Variants in STRN observed in about 807,000 individuals in gnomAD.
STRN encodes the protein protein phosphatase 2 regulatory subunit B'''alpha.
Under a neutral mutation model 96.3 loss-of-function variants are expected in STRN, and 53 were observed. That is an observed-to-expected ratio of 0.55 (90% CI 0.44 to 0.69). The LOEUF is 0.69. Ranked by LOEUF, STRN falls within the 30% of genes least tolerant of loss-of-function variation. The pLI is 0.00. For synonymous variants in STRN, 428 were observed against 355.9 expected (o/e 1.20, Z -2.28); for missense variants, 987 against 963.9 (o/e 1.02, Z -0.32).
chr2:36,873,962 G>A (rs1353084359), intron 10 of STRN, among the ~76,000 whole-genome samples: 1 of 138,422 alleles, frequency 7.2e-6, no homozygotes, highest in African/African-American at 2.7e-5. Context: ...AAAAATTCAA[G>A]AAGCAAAAAC....
At position 36,839,575 on chromosome 2, in the gene STRN, A is replaced by C. The variant is rs562938072; in HGVS notation, c.*9881T>G. Among the ~76,000 whole-genome samples the C allele has an allele frequency of 3.9e-5, 6 of 152,292 alleles. No individual in the cohort carries two copies. In the South Asian group the frequency reaches 1.2e-3, roughly 32 times the overall value. On this transcript the variant is annotated 3_prime_UTR_variant, in exon 18 of 18. Transcript: ENST00000263918. The stretch of plus-strand genomic sequence containing the variant: ...TACATCCGTTATCTCAAATCAACCT[A>C]ATTAGGCAGATCTATTATCCCCATT...
intron 3 of STRN, among the ~76,000 whole-genome samples, chr2:36,914,154 T>C (rs1670032432): frequency 6.6e-6 from 1 of 152,162 alleles, no homozygotes. Context: ...CATCCCCAGC[T>C]AATTTTTTAA....
At chr2:36,905,669 G>GCAT (rs755489254) in intron 3 of STRN, 51 bp from the exon 4 acceptor site, 5 of 1,463,406 alleles carry the variant, frequency 3.4e-6, no homozygotes, top group Non-Finnish European at 4.8e-6. Context: ...GTATTAGAGG[G>GCAT]CATCTTAATT....
rs1669145086 is a variant in STRN at position 36,883,972 on chromosome 2, G to A, written c.1146C>T (p.Ser382=). 6 of 1,430,816 alleles carry A rather than the reference G, an allele frequency of 4.2e-6. No individual in the cohort carries two copies. The East Asian group carries it at 7.9e-5, about 19-fold the overall frequency. The allele number at this position is 1,430,816 out of a possible 1,614,324, so 88.6% of individuals were successfully genotyped here. A position where few individuals can be genotyped will look rare whatever the true frequency, so the allele number is the denominator to read the frequency against. Residue 382 remains serine (S), a synonymous_variant, in exon 9 of 18, where the codon AGC becomes AGT. Transcript: ENST00000263918. ...TAATTTCATGTTCAGGAAGCCTGGA[G>A]CTGCTGGGTCTGGAAGGTGAACCCA... ...PSVGSPSRPS[S]SRLPEHEINR... is the part of the protein sequence containing the mutation.
chr2:36,908,173 T>C (rs547048574), intron 3 of STRN, among the ~76,000 whole-genome samples: 2 of 152,278 alleles, frequency 1.3e-5, no homozygotes, highest in South Asian at 4.1e-4. Context: ...AACATTTACA[T>C]TGCCATTTCA....
chr2:36,946,300 G>A (rs1670983273), intron 1 of STRN, among the ~76,000 whole-genome samples: 1 of 152,052 alleles, frequency 6.6e-6, no homozygotes, highest in African/African-American at 2.4e-5. Context: ...AAATAATAAA[G>A]TATTTCTGCA....
intron 10 of STRN, among the ~76,000 whole-genome samples, chr2:36,876,241 A>T (rs535808581): frequency 2.0e-5 from 3 of 151,078 alleles, no homozygotes; most frequent in Non-Finnish European, 4.4e-5. Context: ...ACTGCACTCC[A>T]GCCTGGGTGA....
chr2:36,915,968 A>G, intron 3 of STRN, 110 bp downstream of exon 3: 2 of 959,810 alleles, frequency 2.1e-6, no homozygotes, highest in Non-Finnish European at 3.1e-6. Flanking sequence ...GTCAGAAAAA[A>G]TAACTAATAC....
rs1468610817 is a variant in STRN, at chr2:36,902,526, C to T, written c.659+58G>A. 7 of 1,434,282 alleles carry T rather than the reference C, an allele frequency of 4.9e-6. No homozygotes were observed. The Admixed American group carries it at 9.6e-5, about 20-fold the overall frequency. The allele number at this position is 1,434,282 out of a possible 1,614,324, so 88.8% of individuals were successfully genotyped here. A position where few individuals can be genotyped will look rare whatever the true frequency, so the allele number is the denominator to read the frequency against. On this transcript the variant is annotated intron_variant, in intron 5 of 17. Transcript: ENST00000263918. Reference sequence around the variant, plus strand: ...AAAGTACAAGTAATGTCCATAAAACCAAAAATATTTAATAAGAACTAATAA... The same window carrying T: ...AAAGTACAAGTAATGTCCATAAAACTAAAAATATTTAATAAGAACTAATAA...
chr2:36,880,878 G>C (rs1008736708), intron 9 of STRN, among the ~76,000 whole-genome samples: 1 of 152,120 alleles, frequency 6.6e-6, no homozygotes, highest in South Asian at 2.1e-4. Flanking sequence ...AGTAAAACCT[G>C]AAAACAAAGG....
intron 1 of STRN, among the ~76,000 whole-genome samples, chr2:36,931,192 C>A (rs998921633): frequency 6.6e-6 from 1 of 152,110 alleles, no homozygotes; most frequent in Non-Finnish European, 1.5e-5. Flanking sequence ...GGCCTTCAAG[C>A]TGACAGACGA....
intron 13 of STRN, among the ~76,000 whole-genome samples, chr2:36,859,430 G>A (rs1248135673): frequency 6.6e-6 from 1 of 152,128 alleles, no homozygotes; most frequent in Non-Finnish European, 1.5e-5. Context: ...GACAGAACAG[G>A]GAATCTGAAG....
intron 15 of STRN, among the ~76,000 whole-genome samples, chr2:36,853,928 A>C (rs1022077109): frequency 6.6e-6 from 1 of 152,206 alleles, no homozygotes; most frequent in Admixed American, 6.5e-5. Flanking sequence ...TTATTCCAGT[A>C]ATGTTGCCTT....
At chr2:36,953,370 C>T (rs1456980705) in intron 1 of STRN, among the ~76,000 whole-genome samples, 4 of 149,918 alleles carry the variant, frequency 2.7e-5, no homozygotes. Flanking sequence ...TTCTAATATT[C>T]TAATATTCCA....
intron 12 of STRN, among the ~76,000 whole-genome samples, chr2:36,866,360 C>T (rs1167859786): frequency 6.6e-6 from 1 of 152,168 alleles, no homozygotes; most frequent in Non-Finnish European, 1.5e-5. Flanking sequence ...AGCCCCTGCA[C>T]CCAGCCACTG....
chr2:36,949,198 T>A (rs1420521370), intron 1 of STRN, among the ~76,000 whole-genome samples: 1 of 152,240 alleles, frequency 6.6e-6, no homozygotes, highest in Admixed American at 6.5e-5. Context: ...AGCAATAGGC[T>A]ATGCCATATA....
chr2:36,939,288 C>T (rs1317597088), intron 1 of STRN, among the ~76,000 whole-genome samples: 2 of 151,962 alleles, frequency 1.3e-5, no homozygotes, highest in African/African-American at 4.8e-5. Context: ...ATTCTTTTTC[C>T]GAAGCCACTC....
chr2:36,931,866 T>C (rs1189766185), intron 1 of STRN, among the ~76,000 whole-genome samples: 2 of 152,224 alleles, frequency 1.3e-5, no homozygotes, highest in African/African-American at 2.4e-5. Flanking sequence ...TCTCGCTCTG[T>C]TGCCCAGGCT....
At chr2:36,878,973 G>T (rs528466217) in intron 9 of STRN, among the ~76,000 whole-genome samples, 2 of 150,976 alleles carry the variant, frequency 1.3e-5, no homozygotes. Flanking sequence ...GGCTGGTCGT[G>T]AACTCCTGAC....
Sources: allele counts gnomAD v4.1 joint callset (sites outside exome capture counted in the v4.1 genomes callset), GRCh38; gene constraint gnomAD v4.1.1; transcripts MANE v1.5; gene names NCBI Gene and HGNC (gene_info 2026-07-23, HGNC 2026-07-21).